The following SNPH variants were observed in gnomAD, a reference collection of about 807,000 sequenced individuals.
SNPH encodes syntaphilin.
Under a neutral mutation model 36.8 loss-of-function variants are expected in SNPH, and 10 were observed. The observed-to-expected ratio is 0.27, with a 90% CI of 0.17 to 0.46. The LOEUF is 0.46. Ranked by LOEUF, SNPH falls within the 20% of genes least tolerant of loss-of-function variation. The pLI is 1.00. For missense variants in SNPH, 622 were observed against 744.0 expected, an observed-to-expected ratio of 0.84 and a Z score of 1.91; for synonymous variants, 281 against 312.2, an observed-to-expected ratio of 0.90 and a Z score of 1.05.
Position 1,309,277 on chromosome 20 carries a change from G to C in SNPH, c.*3223G>C. 6.6e-6 allele frequency: 1 copy of C among 152,644 alleles called. No individual in the cohort carries two copies. The highest frequency in any genetic ancestry group is 1.5e-5 in the Non-Finnish European group (1 of 68,054). The allele number at this position is 152,644 out of a possible 1,614,324, so 9.5% of individuals were successfully genotyped here. A position where few individuals can be genotyped will look rare whatever the true frequency, so the allele number is the denominator to read the frequency against. The stretch of plus-strand genomic sequence containing the variant: ...TCTCCTTTGTCCTTTTGTTCAGACA[G>C]AGTTGTACCTGCAGCAGACAACTCT... On this transcript the variant is annotated 3_prime_UTR_variant, in exon 7 of 7. Coordinates refer to ENST00000381867, the MANE Select transcript of SNPH (RefSeq NM_001318234.2).
rs565691358 is a variant in SNPH at position 1,300,711 on chromosome 20, G to A, written c.440G>A (p.Arg147Gln). The change falls in exon 6 of 7, where the codon CGG becomes CAG. Residue 147 changes from arginine (R) to glutamine (Q), a missense_variant and splice_region_variant. Physicochemically the swap from Arg to Gln is conservative, Grantham distance 43 (BLOSUM62 1). Around this residue, in one of 3 missense-constraint regions of SNPH, gnomAD observed 56 missense variants for 106.6 expected, o/e 0.53. Coordinates refer to ENST00000381867, the MANE Select transcript of SNPH (RefSeq NM_001318234.2). ...GACACACAGGACCGGCTCCAGGACC[G>A]GTGAGCGGGTGGCCACGAGCAGCCC... Reference protein sequence around the residue: ...LKDTQDRLQDRDTEIDDLKTQ... With the variant: ...LKDTQDRLQDQDTEIDDLKTQ... 5.6e-6 allele frequency: 9 copies of A among 1,609,366 alleles called. No homozygotes were observed. Among genetic ancestry groups the A allele is most frequent in the East Asian group, 2.2e-5 (1 of 44,856 alleles).
chr20:1,288,369 C>G (rs2088308910), intron 2 of SNPH, among the ~76,000 whole-genome samples: 1 of 152,152 alleles, frequency 6.6e-6, no homozygotes, highest in Non-Finnish European at 1.5e-5. Context: ...CATGAGACAG[C>G]TGAGACGAAC....
rs552811052 is a variant in SNPH at position 1,304,156 on chromosome 20, C to G, written c.441-722C>G. Among the ~76,000 whole-genome samples the G allele has an allele frequency of 1.3e-5, 2 of 152,268 alleles. No homozygotes were observed. The highest frequency in any genetic ancestry group is 6.5e-5 in the Admixed American group (1 of 15,292). On this transcript the variant is annotated intron_variant, in intron 6 of 6. Transcript: ENST00000381867. The surrounding 1 kb of genome is among the most constrained non-coding windows in gnomAD (Gnocchi z 4.3). ...CTCAGGAGTAACTCTATGCCTTTCT[C>G]GTTGATCTTTTCAGCTTTTCCTCTT...
At chr20:1,299,512 G>A (rs1043624910) in intron 5 of SNPH, among the ~76,000 whole-genome samples, 3 of 152,218 alleles carry the variant, frequency 2.0e-5, no homozygotes, top group Admixed American at 6.5e-5. Context: ...CTCCTTCCCC[G>A]TGAAAGCCTG....
rs1318266764 is a variant in SNPH at position 1,306,331 on chromosome 20, C to G, written c.*277C>G. 5.6e-6 allele frequency: 2 copies of G among 359,028 alleles called. No homozygotes were observed. The highest frequency in any genetic ancestry group is 4.2e-5 in the African/African-American group (2 of 47,078). 22.2% of individuals were successfully genotyped at this position (359,028 alleles called of 1,614,324 possible). A position where few individuals can be genotyped will look rare whatever the true frequency, so the allele number is the denominator to read the frequency against. On this transcript the variant is annotated 3_prime_UTR_variant, in exon 7 of 7. Coordinates refer to ENST00000381867, the MANE Select transcript of SNPH (RefSeq NM_001318234.2). ...GGGAGGGAGCGAGGGCCAACCCGGCCCCTCTGTCCCCTTGGCTCTTCAGAC... is the reference window on the plus strand; with the variant it reads ...GGGAGGGAGCGAGGGCCAACCCGGCGCCTCTGTCCCCTTGGCTCTTCAGAC...
chr20:1,290,211 C>CA lies in SNPH; in HGVS notation c.-492-4727dup, dbSNP rs35048205. 8.0e-3 allele frequency among the ~76,000 whole-genome samples: 1,168 copies of CA among 145,124 alleles called. 19 individuals are homozygous for CA. The highest frequency in any genetic ancestry group is 0.027 in the African/African-American group (1,041 of 39,178). ...TGGGCGACACAGTGAGACTCTGTCTCAAAAAAAAAAAAATTAAGTTTTTAA... is the reference window on the plus strand; with the variant it reads ...TGGGCGACACAGTGAGACTCTGTCTCAAAAAAAAAAAAAATTAAGTTTTTAA... On this transcript the variant is annotated intron_variant, in intron 2 of 6. Transcript: ENST00000381867.
Position 1,304,908 on chromosome 20 carries a change from G to C in SNPH, c.471G>C (p.Gln157His). ...CAGAGATTGATGACCTGAAGACGCA[G>C]CTGTCACGCATGCAGGAGGACTGGA... ...RDTEIDDLKT[Q>H]LSRMQEDWIE... Residue 157 changes from glutamine to histidine, a missense_variant, in exon 7 of 7, where the codon CAG (glutamine) becomes CAC (histidine). Gln to His is a conservative substitution (Grantham distance 24). Around this residue, in one of 3 missense-constraint regions of SNPH, gnomAD observed 56 missense variants for 106.6 expected, o/e 0.53. Transcript: ENST00000381867. This position sits in a 1 kb window ranked among gnomAD's most constrained non-coding sequence, Gnocchi z 4.3. The C allele has an allele frequency of 6.2e-7, 1 of 1,613,418 alleles. No homozygotes were observed. Among genetic ancestry groups the C allele is most frequent in the Non-Finnish European group, 8.5e-7 (1 of 1,180,018 alleles).
intron 4 of SNPH, 82 bp from the exon 5 acceptor site, chr20:1,297,063 G>T: frequency 6.7e-7 from 1 of 1,498,192 alleles, no homozygotes. Context: ...ACTTTGGGCC[G>T]CAGCGGCCTG....
chr20:1,296,442 C>T (rs762393701), intron 4 of SNPH, 21 bp downstream of exon 4: 7 of 1,577,962 alleles, frequency 4.4e-6, no homozygotes, highest in Non-Finnish European at 5.1e-6. Flanking sequence ...CCCTCGCTCA[C>T]AGCCTAGGCT....
chr20:1,287,273 G>A (rs2088295132), intron 2 of SNPH, among the ~76,000 whole-genome samples: 1 of 152,010 alleles, frequency 6.6e-6, no homozygotes, highest in African/African-American at 2.4e-5. Context: ...TTCTTCCCTG[G>A]GCCTCTGTTT....
rs144018580 is a variant in SNPH at position 1,279,959 on chromosome 20, C to A, written c.-493+13199C>A. ...AGTAGAGCTCTCCAGCCGACCCTCC[C>A]AACAGCAAGGGCGAGGAGCGTGTGT... On this transcript the variant is annotated intron_variant, in intron 2 of 6. Coordinates refer to ENST00000381867, the MANE Select transcript of SNPH (RefSeq NM_001318234.2). Among the ~76,000 whole-genome samples, 505 of 152,302 alleles carry A rather than the reference C, an allele frequency of 3.3e-3. 4 individuals are homozygous for A. Among genetic ancestry groups the A allele is most frequent in the African/African-American group, 0.011 (478 of 41,576 alleles).
At chr20:1,300,872 A>G (rs1019019293) in intron 6 of SNPH, among the ~76,000 whole-genome samples, 161 bp downstream of exon 6, 1 of 152,210 alleles carries the variant, frequency 6.6e-6, no homozygotes, top group Non-Finnish European at 1.5e-5. Context: ...GCCCACTTGC[A>G]GACCCTCATC....
At chr20:1,286,278 G>A (rs1431078543) in intron 2 of SNPH, among the ~76,000 whole-genome samples, 2 of 152,158 alleles carry the variant, frequency 1.3e-5, no homozygotes, top group Non-Finnish European at 2.9e-5. Flanking sequence ...TCCAGCAAGT[G>A]TGAGCCACAC....
intron 2 of SNPH, among the ~76,000 whole-genome samples, chr20:1,271,758 A>G (rs1274416877): frequency 6.6e-6 from 1 of 152,244 alleles, no homozygotes; most frequent in Non-Finnish European, 1.5e-5. Context: ...GGAAAGACTC[A>G]GTTCAAAAGC....
At position 1,276,134 on chromosome 20, in the gene SNPH, G is replaced by T. The variant is rs2088128821; in HGVS notation, c.-493+9374G>T. ...TGACTGCAGAGACCAGCCCTCCCTG[G>T]GTGGCACGCAGGGCCCAGATTGGAG... is the stretch of plus-strand genomic sequence containing the variant. On this transcript the variant is annotated intron_variant, in intron 2 of 6. Transcript: ENST00000381867. The surrounding 1 kb of genome is among the most constrained non-coding windows in gnomAD (Gnocchi z 4.6). Among the ~76,000 whole-genome samples, 3 of 152,148 alleles carry T rather than the reference G, an allele frequency of 2.0e-5. No individual in the cohort carries two copies. The highest frequency in any genetic ancestry group is 6.5e-5 in the Admixed American group (1 of 15,282).
rs565617229 is a variant in SNPH at position 1,270,127 on chromosome 20, T to C, written c.-493+3367T>C. ...ATCTACTGGCTCCGAAAGGCCTACA[T>C]GCACCCTTGTTCCAGTATTGGAGGT... On this transcript the variant is annotated intron_variant, in intron 2 of 6. Coordinates refer to ENST00000381867, the MANE Select transcript of SNPH (RefSeq NM_001318234.2). 9.4e-4 allele frequency among the ~76,000 whole-genome samples: 143 copies of C among 152,342 alleles called. 1 individual carries two copies. Among genetic ancestry groups the C allele is most frequent in the African/African-American group, 3.3e-3 (138 of 41,580 alleles).
In SNPH at chr20:1,296,298, GC is replaced by G. The variant is rs1358848438; in HGVS notation, c.65del (p.Pro22GlnfsTer46). 6.3e-7 allele frequency: 1 copy of G among 1,578,568 alleles called. No homozygotes were observed. The highest frequency in any genetic ancestry group is 1.2e-5 in the South Asian group (1 of 86,702). On this transcript the variant is annotated frameshift_variant, in exon 4 of 7. Transcript: ENST00000381867. LOFTEE classifies it high-confidence loss of function. ...TGGCCTGGCCCGGCCCTTTCTGCGG[GC>G]CCCCCAACCCGCCCTCTCTCCTCAG... ...MTWPGPALSA[G>X]PPTRPLSSAP...
chr20:1,269,925 G>A (rs1429973362), intron 2 of SNPH, among the ~76,000 whole-genome samples: 1 of 152,226 alleles, frequency 6.6e-6, no homozygotes, highest in Non-Finnish European at 1.5e-5. Flanking sequence ...GAGGCGAAGG[G>A]TCTTACCCAG....
At chr20:1,270,714 G>A (rs1199494042) in intron 2 of SNPH, among the ~76,000 whole-genome samples, 2 of 152,180 alleles carry the variant, frequency 1.3e-5, no homozygotes, top group Non-Finnish European at 2.9e-5. Context: ...GACAAAGACT[G>A]TCTTGTGCCT....
Sources: allele counts gnomAD v4.1 joint callset (sites outside exome capture counted in the v4.1 genomes callset), GRCh38; gene constraint gnomAD v4.1.1; regional missense constraint gnomAD v4.1.1; non-coding constraint Gnocchi (gnomAD v3.1); transcripts MANE v1.5; gene names NCBI Gene and HGNC (gene_info 2026-07-23, HGNC 2026-07-21).